The following TBL1Y variants were observed in gnomAD, a reference collection of about 807,000 sequenced individuals.
TBL1Y encodes the protein F-box-like/WD repeat-containing protein TBL1Y.
A neutral mutation model predicts 12.0 loss-of-function variants in TBL1Y; 15 were observed. That is an observed-to-expected ratio of 1.25 (90% confidence interval 0.83 to 1.92). The LOEUF is 1.92. Ranked by LOEUF, TBL1Y falls within the 40% of genes most tolerant of loss-of-function variation. The pLI is 0.00. For synonymous variants in TBL1Y, 53 were observed against 42.6 expected, an observed-to-expected ratio of 1.24 and a Z score of -0.95; for missense variants, 148 against 116.7, an observed-to-expected ratio of 1.27 and a Z score of -1.24.
intron 3 of TBL1Y, among the ~76,000 whole-genome samples, chrY:6,993,967 A>G: frequency 6.0e-5 from 2 of 33,128 alleles, no homozygotes; most frequent in African/African-American, 2.4e-4. Flanking sequence ...ATACAAATAC[A>G]TTAAATTTTA....
chrY:7,023,998 T>C, intron 5 of TBL1Y, among the ~76,000 whole-genome samples: 1 of 33,457 alleles, frequency 3.0e-5, no homozygotes, highest in Non-Finnish European at 7.4e-5. Context: ...GAACATGTGG[T>C]GTTTGGTTTT....
At chrY:7,071,161 C>G (rs2013029797) in intron 10 of TBL1Y, among the ~76,000 whole-genome samples, 1 of 33,728 alleles carries the variant, frequency 3.0e-5, no homozygotes, top group African/African-American at 1.2e-4. Context: ...GGTATTTCTC[C>G]TGGGGAGACA....
intron 4 of TBL1Y, among the ~76,000 whole-genome samples, chrY:7,013,196 C>T: frequency 3.0e-5 from 1 of 33,528 alleles, no homozygotes; most frequent in African/African-American, 1.2e-4. Flanking sequence ...CCTTGCCTTT[C>T]CTGTGCCCCA....
chrY:7,074,861 C>T (rs758874825), intron 13 of TBL1Y, among the ~76,000 whole-genome samples: 1 of 31,550 alleles, frequency 3.2e-5, no homozygotes, highest in African/African-American at 1.3e-4. Context: ...TGGGACAGGA[C>T]GATGAGGTAG....
At chrY:6,912,270 G>A in intron 2 of TBL1Y, 98 bp downstream of exon 2, 1 of 34,059 alleles carries the variant, frequency 2.9e-5, no homozygotes, top group Non-Finnish European at 7.3e-5. Flanking sequence ...TGAGTATGAT[G>A]CATTTATTTT....
At chrY:6,950,931 G>C in intron 2 of TBL1Y, among the ~76,000 whole-genome samples, 1 of 32,617 alleles carries the variant, frequency 3.1e-5, no homozygotes, top group East Asian at 8.0e-4. Context: ...TGCATCTATT[G>C]AGATAATCAT....
At chrY:7,021,422 G>A in intron 4 of TBL1Y, 27 bp from the exon 5 acceptor site, 1 of 32,795 alleles carries the variant, frequency 3.0e-5, no homozygotes, top group African/African-American at 1.2e-4. Flanking sequence ...TAAGTCTTTT[G>A]TTCTAAACCT....
At chrY:7,085,794 C>T in intron 14 of TBL1Y, 104 bp from the exon 15 acceptor site, 1 of 227,352 alleles carries the variant, frequency 4.4e-6, no homozygotes, top group East Asian at 1.1e-4. Flanking sequence ...AGGCCTAAGA[C>T]CTTCTGCAGC....
At position 6,918,181 on chromosome Y, in the gene TBL1Y, CTG is replaced by C. The variant is rs564114630; in HGVS notation, c.-266+6013_-266+6014del. Reference sequence around the variant, plus strand: ...CGAGTCATGCCTGTTTTCAGGGACTCTGTGTTTCGGCTGGACATGGGGGCCGG... The same window carrying C: ...CGAGTCATGCCTGTTTTCAGGGACTCTGTTTCGGCTGGACATGGGGGCCGG... On this transcript the variant is annotated intron_variant, in intron 2 of 18. Transcript: ENST00000383032. 5.5e-3 allele frequency among the ~76,000 whole-genome samples: 181 copies of C among 32,952 alleles called. No individual in the cohort carries two copies. In the South Asian group the frequency reaches 0.12, roughly 22 times the overall value. The allele number at this position is 32,952 out of a possible 37,273, so 88.4% of individuals were successfully genotyped here.
chrY:7,041,344 G>A (rs2012720559), intron 6 of TBL1Y, among the ~76,000 whole-genome samples: 1 of 33,829 alleles, frequency 3.0e-5, no homozygotes. Context: ...GTGGCCCAGA[G>A]TAGATAAGGA....
intron 14 of TBL1Y, among the ~76,000 whole-genome samples, chrY:7,085,195 C>G (rs1603051711): frequency 7.8e-5 from 2 of 25,786 alleles, no homozygotes; most frequent in East Asian, 1.2e-3. Context: ...CACACACACA[C>G]AGACACACAC....
At chrY:7,070,082 G>T in intron 8 of TBL1Y, 114 bp from the exon 9 acceptor site, 1 of 211,323 alleles carries the variant, frequency 4.7e-6, no homozygotes, top group South Asian at 3.9e-5. Flanking sequence ...AGACTCGTTA[G>T]AGGTAGTGTT....
chrY:7,066,796 C>T, intron 8 of TBL1Y, among the ~76,000 whole-genome samples: 1 of 31,177 alleles, frequency 3.2e-5, no homozygotes, highest in African/African-American at 1.3e-4. Context: ...AGAGAAAGAC[C>T]TCGGCTTTAC....
intron 2 of TBL1Y, among the ~76,000 whole-genome samples, chrY:6,931,933 G>A: frequency 5.9e-5 from 2 of 33,926 alleles, no homozygotes; most frequent in African/African-American, 1.2e-4. Flanking sequence ...CTTTTTCTGC[G>A]TGATGTTGTA....
intron 12 of TBL1Y, among the ~76,000 whole-genome samples, chrY:7,072,125 C>A (rs2013039437): frequency 3.0e-5 from 1 of 33,287 alleles, no homozygotes; most frequent in South Asian, 6.8e-4. Context: ...GTCTTGAACT[C>A]CTAGGCTCAA....
intron 2 of TBL1Y, among the ~76,000 whole-genome samples, chrY:6,958,680 G>A: frequency 3.0e-5 from 1 of 33,366 alleles, no homozygotes; most frequent in Non-Finnish European, 7.4e-5. Flanking sequence ...TAGAATCTAC[G>A]TCATAATTAA....
chrY:7,063,573 CAGGTAATCTGAATGAGTCAGGGTGGAGT>C (rs2012914849), intron 7 of TBL1Y, among the ~76,000 whole-genome samples: 1 of 31,598 alleles, frequency 3.2e-5, no homozygotes, highest in Admixed American at 2.8e-4. Context: ...CAGGGTGGAG[CAGGTAATCTGAATGAGTCAGGGTGGAGT>C]AGGTAATTGG....
chrY:6,959,209 T>C (rs2012101373), intron 2 of TBL1Y, among the ~76,000 whole-genome samples: 1 of 33,664 alleles, frequency 3.0e-5, no homozygotes, highest in African/African-American at 1.2e-4. Flanking sequence ...TGCACAGCCC[T>C]AGATCCCTTT....
chrY:7,063,321 C>A (rs2012904041), intron 7 of TBL1Y, among the ~76,000 whole-genome samples: 1 of 34,043 alleles, frequency 2.9e-5, no homozygotes, highest in Non-Finnish European at 7.3e-5. Flanking sequence ...AGCGCACACT[C>A]GGACAAGGGA....
Sources: allele counts gnomAD v4.1 joint callset (sites outside exome capture counted in the v4.1 genomes callset), GRCh38; gene constraint gnomAD v4.1.1; transcripts MANE v1.5; gene names NCBI Gene and HGNC (gene_info 2026-07-23, HGNC 2026-07-21).